Variants in OSBP2 observed in about 807,000 individuals in gnomAD.
The protein encoded by OSBP2 is oxysterol-binding protein 2.
In OSBP2, 66 loss-of-function variants were observed where a neutral mutation model predicts 96.0. The ratio of observed to expected loss-of-function variants is 0.69; its 90% confidence interval spans 0.56 to 0.84. OSBP2 has a LOEUF of 0.84. Among genes scored for constraint, OSBP2 ranks in the 40% least tolerant of loss-of-function variants. The pLI, the probability that OSBP2 is intolerant of heterozygous loss-of-function variation, is 0.00. For synonymous variants in OSBP2, 525 were observed against 520.9 expected (o/e 1.01, Z -0.11); for missense variants, 1,038 against 1,222.7 (o/e 0.85, Z 2.25).
chr22:30,811,856 AT>A (rs765755360), intron 2 of OSBP2, among the ~76,000 whole-genome samples: 45 of 135,078 alleles, frequency 3.3e-4, no homozygotes, highest in East Asian at 4.5e-4. Context: ...CGCCCGGCCT[AT>A]TTTTTTTTTT....
rs896394270 is a variant in OSBP2 at position 30,871,145 on chromosome 22, C to T, written c.1107+463C>T. Among the ~76,000 whole-genome samples the T allele has an allele frequency of 5.9e-5, 9 of 152,036 alleles. No individual in the cohort carries two copies. The highest frequency in any genetic ancestry group is 1.9e-4 in the East Asian group (1 of 5,156). ...GGAGGGTGTGGTGGGGGGCTGCAGT[C>T]GAGGGCTCCCTGAGCTAGAAGGGCC... is the stretch of plus-strand genomic sequence containing the variant. On this transcript the variant is annotated intron_variant, in intron 3 of 13. Transcript: ENST00000332585. This position sits in a 1 kb window ranked among gnomAD's most constrained non-coding sequence, Gnocchi z 4.7.
chr22:30,814,437 T>G (rs136239), intron 2 of OSBP2, among the ~76,000 whole-genome samples: 53,611 of 145,640 alleles, frequency 0.37, 10,061 homozygotes, highest in Non-Finnish European at 0.43. Flanking sequence ...TCGTTGGGTT[T>G]TTTTTTTTTT....
chr22:30,754,962 G>A (rs563530674), intron 2 of OSBP2, among the ~76,000 whole-genome samples: 2 of 152,170 alleles, frequency 1.3e-5, no homozygotes, highest in South Asian at 2.1e-4. Context: ...AAAACTCCCC[G>A]TCCTTGACCC....
intron 2 of OSBP2, among the ~76,000 whole-genome samples, chr22:30,849,448 G>A (rs752780397): frequency 1.4e-4 from 21 of 152,132 alleles, no homozygotes; most frequent in Non-Finnish European, 2.8e-4. Flanking sequence ...CTGTAGGCAT[G>A]TAATGGTATC....
intron 1 of OSBP2, among the ~76,000 whole-genome samples, chr22:30,721,561 G>C (rs1319238729): frequency 2.0e-5 from 3 of 152,216 alleles, no homozygotes; most frequent in Non-Finnish European, 4.4e-5. Flanking sequence ...GCAGGCTGCT[G>C]TTGTGTTTCG....
intron 1 of OSBP2, among the ~76,000 whole-genome samples, chr22:30,723,394 C>A (rs2089586394): frequency 6.6e-6 from 1 of 151,728 alleles, no homozygotes; most frequent in African/African-American, 2.4e-5. Context: ...CGTGAGCCAC[C>A]ACACCCAGCC....
At chr22:30,720,114 G>T (rs1033289879) in intron 1 of OSBP2, among the ~76,000 whole-genome samples, 3 of 152,184 alleles carry the variant, frequency 2.0e-5, no homozygotes, top group South Asian at 4.1e-4. Context: ...CACAGCTGGG[G>T]TTATCCCTTC....
At chr22:30,809,347 T>C (rs4444) in intron 2 of OSBP2, among the ~76,000 whole-genome samples, 75,219 of 152,014 alleles carry the variant, frequency 0.49, 19,561 homozygotes, top group African/African-American at 0.66. Flanking sequence ...TGGTGAGTAC[T>C]GCGAGAAATC....
chr22:30,752,891 T>C (rs535227320), intron 2 of OSBP2, among the ~76,000 whole-genome samples: 1 of 152,198 alleles, frequency 6.6e-6, no homozygotes, highest in East Asian at 1.9e-4. Flanking sequence ...CTTGGTGTCA[T>C]TGCTACAAAA....
intron 3 of OSBP2, among the ~76,000 whole-genome samples, chr22:30,882,064 G>A (rs147470622): frequency 3.8e-4 from 58 of 152,290 alleles, no homozygotes; most frequent in Middle Eastern, 3.4e-3. Flanking sequence ...GATGCCAGCT[G>A]GCCCTTTGGT....
At position 30,893,826 on chromosome 22, in the gene OSBP2, G is replaced by C; in HGVS notation, c.2200G>C (p.Val734Leu). The change falls in exon 12 of 14, where the codon GTG (valine) becomes CTG (leucine). Residue 734 changes from valine to leucine, a missense_variant. Physicochemically the swap from Val to Leu is conservative, Grantham distance 32. Transcript: ENST00000332585. Reference sequence around the variant, plus strand: ...CTGCCAATGTCCACAGGTGACAGGAGTGGTGAGTGACAGCCAGGGCAAGGC... The same window carrying C: ...CTGCCAATGTCCACAGGTGACAGGACTGGTGAGTGACAGCCAGGGCAAGGC... Reference protein sequence around the residue: ...SKEAARKVTGVVSDSQGKAHY... With the variant: ...SKEAARKVTGLVSDSQGKAHY... The C allele has an allele frequency of 1.9e-6, 3 of 1,594,368 alleles. No homozygotes were observed. The highest frequency in any genetic ancestry group is 2.6e-6 in the Non-Finnish European group (3 of 1,170,166).
At chr22:30,722,863 C>A (rs1353507131) in intron 1 of OSBP2, among the ~76,000 whole-genome samples, 1 of 148,274 alleles carries the variant, frequency 6.7e-6, no homozygotes, top group Non-Finnish European at 1.5e-5. Flanking sequence ...CAGTTCACTG[C>A]GGCTTTTACC....
intron 2 of OSBP2, among the ~76,000 whole-genome samples, chr22:30,837,988 A>G (rs1253656553): frequency 6.6e-6 from 1 of 152,200 alleles, no homozygotes; most frequent in East Asian, 1.9e-4. Flanking sequence ...TGTGCTTTTT[A>G]TGTACATTGT....
At chr22:30,796,956 CT>C (rs1346436714) in intron 2 of OSBP2, among the ~76,000 whole-genome samples, 2 of 152,230 alleles carry the variant, frequency 1.3e-5, no homozygotes, top group Admixed American at 1.3e-4. Context: ...TCCTGAACTC[CT>C]TTCATTTTCC....
intron 2 of OSBP2, among the ~76,000 whole-genome samples, chr22:30,755,889 G>A (rs2090134170): frequency 6.6e-6 from 1 of 152,122 alleles, no homozygotes; most frequent in African/African-American, 2.4e-5. Flanking sequence ...CAGCCCTCAG[G>A]TCCACCAGGG....
chr22:30,847,166 T>C (rs2038886933), intron 2 of OSBP2, among the ~76,000 whole-genome samples: 2 of 151,952 alleles, frequency 1.3e-5, no homozygotes, highest in African/African-American at 4.8e-5. Flanking sequence ...TTAGTAGAGA[T>C]GAGGTTTCAC....
Position 30,769,123 on chromosome 22 carries a change from G to A in OSBP2, c.853+27754G>A, listed in dbSNP as rs528664304. ...ACGGAACTAGAAAGCTGGGCTCTGA[G>A]GGGGCCCCTCGGTCAGTTTGCTGAA... On this transcript the variant is annotated intron_variant, in intron 2 of 13. Transcript: ENST00000332585. 4.3e-4 allele frequency among the ~76,000 whole-genome samples: 65 copies of A among 152,320 alleles called. 1 individual carries two copies. Among genetic ancestry groups the A allele is most frequent in the African/African-American group, 1.4e-3 (60 of 41,570 alleles).
At chr22:30,846,338 G>T (rs139780540) in intron 2 of OSBP2, among the ~76,000 whole-genome samples, 9 of 151,844 alleles carry the variant, frequency 5.9e-5, no homozygotes, top group Non-Finnish European at 1.3e-4. Context: ...GTAGAGACAG[G>T]GTCTCACCAT....
chr22:30,785,302 C>T (rs1011979687), intron 2 of OSBP2, among the ~76,000 whole-genome samples: 1 of 152,082 alleles, frequency 6.6e-6, no homozygotes, highest in Non-Finnish European at 1.5e-5. Flanking sequence ...GGCACAGTGG[C>T]TTATGCCTGT....
Sources: allele counts gnomAD v4.1 joint callset (sites outside exome capture counted in the v4.1 genomes callset), GRCh38; gene constraint gnomAD v4.1.1; non-coding constraint Gnocchi (gnomAD v3.1); transcripts MANE v1.5; gene names NCBI Gene and HGNC (gene_info 2026-07-23, HGNC 2026-07-21).